TP53BP1: variants seen among roughly 807,000 people sequenced by gnomAD.
The protein encoded by TP53BP1 is TP53-binding protein 1.
Under a neutral mutation model 200.8 loss-of-function variants are expected in TP53BP1, and 61 were observed. That is an observed-to-expected ratio of 0.30 (90% CI 0.25 to 0.38). TP53BP1 has a LOEUF of 0.38. TP53BP1 is among the 10% of genes least tolerant of loss of function. TP53BP1 has a pLI of 1.00. For synonymous variants in TP53BP1, 822 were observed against 844.3 expected (o/e 0.97, Z 0.46); for missense variants, 2,144 against 2,371.9 (o/e 0.90, Z 2.00).
rs1327267963 is a variant in TP53BP1, at chr15:43,413,261, T to C, written c.5163A>G (p.Glu1721=). ...TGAGAGGCAAAGGCCCTCTCTGCTC[T>C]TCCAGGGCAGAGGGTTCACCGGTGT... is the stretch of plus-strand genomic sequence containing the variant. ...GDNTGEPSAL[E]EQRGPLPLNK... Residue 1721 remains glutamate, a synonymous_variant, in exon 24 of 28, where the codon GAA becomes GAG. Transcript: ENST00000382044. 1.2e-6 allele frequency: 2 copies of C among 1,614,194 alleles called. No individual in the cohort carries two copies. Among genetic ancestry groups the C allele is most frequent in the Non-Finnish European group, 1.7e-6 (2 of 1,180,030 alleles).
rs375638043 is a variant in TP53BP1, at chr15:43,405,324, T to A, written c.*2059A>T. On this transcript the variant is annotated 3_prime_UTR_variant, in exon 28 of 28. Coordinates refer to ENST00000382044, the MANE Select transcript of TP53BP1 (RefSeq NM_001141980.3). ...CAAATAAATATCTGCGGCTTAGTGATAGGACTCTACCTTTTCTCCTAGAAG... is the reference window on the plus strand; with the variant it reads ...CAAATAAATATCTGCGGCTTAGTGAAAGGACTCTACCTTTTCTCCTAGAAG... 41 of 1,262,940 alleles carry A rather than the reference T, an allele frequency of 3.2e-5. No homozygotes were observed. The highest frequency in any genetic ancestry group is 4.5e-5 in the Non-Finnish European group (39 of 872,198). 78.2% of individuals were successfully genotyped at this position (1,262,940 alleles called of 1,614,324 possible).
At position 43,475,568 on chromosome 15, in the gene TP53BP1, G is replaced by C. The variant is rs1226165898; in HGVS notation, c.1082C>G (p.Ser361Cys). The C allele has an allele frequency of 6.2e-7, 1 of 1,614,040 alleles. No individual in the cohort carries two copies. The highest frequency in any genetic ancestry group is 1.7e-5 in the Admixed American group (1 of 60,004). ...AAGCTATTTTAGGCTTACTTACGTG[G>C]AAAGACTGTCCTGAACAAGGGACCT... ...GQRSLVQDSL[S>C]TNSSDLVAPS... is the part of the protein sequence containing the mutation. The change falls in exon 9 of 28, where the codon TCC becomes TGC. Residue 361 changes from serine (S) to cysteine (C), a missense_variant. Physicochemically the swap from Ser to Cys is moderately radical, Grantham distance 112. This residue lies in a region of TP53BP1 where 1,700 missense variants were observed against 1,710.3 expected (regional missense o/e 0.99). Coordinates refer to ENST00000382044, the MANE Select transcript of TP53BP1 (RefSeq NM_001141980.3).
chr15:43,409,418 T>C, intron 25 of TP53BP1: 1 of 538,424 alleles, frequency 1.9e-6, no homozygotes, highest in Non-Finnish European at 3.3e-6. Context: ...CAATCTTCTT[T>C]TGTCCCAGCA....
chr15:43,408,215 A>G (rs1332361016), intron 26 of TP53BP1, 127 bp from the exon 27 acceptor site: 3 of 993,618 alleles, frequency 3.0e-6, no homozygotes, highest in Non-Finnish European at 4.4e-6. Context: ...TAGTGTCTCA[A>G]GCCTGTAATC....
intron 1 of TP53BP1, among the ~76,000 whole-genome samples, chr15:43,506,823 G>T (rs919001580): frequency 2.0e-5 from 3 of 152,172 alleles, no homozygotes; most frequent in Non-Finnish European, 1.5e-5. Flanking sequence ...TCTGGAGACA[G>T]GGAGCCTTCA....
intron 4 of TP53BP1, among the ~76,000 whole-genome samples, chr15:43,490,283 TC>T (rs1189323283): frequency 1.3e-5 from 2 of 152,008 alleles, no homozygotes; most frequent in Admixed American, 6.6e-5. Flanking sequence ...AGACCGGGTT[TC>T]ACCACGTTGT....
In TP53BP1 at chr15:43,404,353, C is replaced by T. The variant is rs1362847428; in HGVS notation, c.*3030G>A. On this transcript the variant is annotated 3_prime_UTR_variant, in exon 28 of 28. Transcript: ENST00000382044. ...AAGAAACTCCTCCCTCCGCCCCCATCCTCCATATGGAGAGTTGGTGAGCTG... is the reference window on the plus strand; with the variant it reads ...AAGAAACTCCTCCCTCCGCCCCCATTCTCCATATGGAGAGTTGGTGAGCTG... The T allele has an allele frequency of 1.3e-6, 2 of 1,595,946 alleles. No homozygotes were observed. Among genetic ancestry groups the T allele is most frequent in the Non-Finnish European group, 1.7e-6 (2 of 1,168,402 alleles).
At position 43,508,353 on chromosome 15, in the gene TP53BP1, C is replaced by A. The variant is rs2079249758; in HGVS notation, c.-9+2017G>T. 2.6e-5 allele frequency among the ~76,000 whole-genome samples: 4 copies of A among 152,184 alleles called. No homozygotes were observed. The South Asian group carries it at 8.3e-4, about 32-fold the overall frequency. ...CCAACCTGGGCAAGAGAGCAAGACT[C>A]CGTCTCAAAAAAAAAATTTCTGGGC... On this transcript the variant is annotated intron_variant, in intron 1 of 27. Coordinates refer to the TP53BP1 transcript ENST00000263801.
At chr15:43,482,387 G>A (rs2078985000) in intron 4 of TP53BP1, among the ~76,000 whole-genome samples, 1 of 152,202 alleles carries the variant, frequency 6.6e-6, no homozygotes, top group Non-Finnish European at 1.5e-5. Flanking sequence ...TGTAATCCCA[G>A]CACTTCGGGA....
At chr15:43,491,075 A>ATT (rs1010560667) in intron 4 of TP53BP1, among the ~76,000 whole-genome samples, 14 of 143,068 alleles carry the variant, frequency 9.8e-5, no homozygotes, top group East Asian at 2.0e-4. Context: ...ATACTCCTAA[A>ATT]TTTTTTTTTT....
At chr15:43,430,710 C>T (rs1444116645) in intron 17 of TP53BP1, among the ~76,000 whole-genome samples, 1 of 152,124 alleles carries the variant, frequency 6.6e-6, no homozygotes, top group Non-Finnish European at 1.5e-5. Context: ...TAATATCAAA[C>T]CCTATACACT....
chr15:43,470,910 C>G (rs2046708966), intron 10 of TP53BP1, among the ~76,000 whole-genome samples: 1 of 152,228 alleles, frequency 6.6e-6, no homozygotes, highest in Admixed American at 6.5e-5. Flanking sequence ...CCTCAATACC[C>G]AGCTTTGCTG....
At chr15:43,495,533 A>ACACACACACAC (rs56809321), upstream of TP53BP1, among the ~76,000 whole-genome samples, 10 of 143,156 alleles carry the variant, frequency 7.0e-5, no homozygotes, top group Non-Finnish European at 7.8e-5. Context: ...ACACACACAC[A>ACACACACACAC]AAAGCCAGGT....
At chr15:43,410,325 T>C (rs550785490) in intron 24 of TP53BP1, among the ~76,000 whole-genome samples, 2 of 152,208 alleles carry the variant, frequency 1.3e-5, no homozygotes, top group East Asian at 3.9e-4. Flanking sequence ...GGTTAGAAAA[T>C]CCTGTTTCAA....
chr15:43,464,895 C>T (rs901016617), intron 11 of TP53BP1, among the ~76,000 whole-genome samples: 12 of 151,308 alleles, frequency 7.9e-5, no homozygotes, highest in African/African-American at 1.2e-4. Flanking sequence ...GCAACAAGTA[C>T]GAAACTCCAT....
At chr15:43,471,138 C>T (rs1444668822) in intron 10 of TP53BP1, among the ~76,000 whole-genome samples, 1 of 151,688 alleles carries the variant, frequency 6.6e-6, no homozygotes, top group Non-Finnish European at 1.5e-5. Flanking sequence ...ACAAAAAGCA[C>T]ATATAGTTTC....
At chr15:43,450,745 G>A (rs2046146793) in intron 12 of TP53BP1, among the ~76,000 whole-genome samples, 1 of 152,086 alleles carries the variant, frequency 6.6e-6, no homozygotes, top group South Asian at 2.1e-4. Context: ...GACATTTAAA[G>A]TAATTCTCTC....
chr15:43,493,253 G>A (rs2079154957), upstream of TP53BP1: 9 of 1,438,666 alleles, frequency 6.3e-6, no homozygotes, highest in Non-Finnish European at 8.2e-6. Context: ...CTGCGGCAGA[G>A]TGCCCTGCCC....
intron 1 of TP53BP1, among the ~76,000 whole-genome samples, chr15:43,502,316 T>C (rs1315592454): frequency 6.6e-6 from 1 of 152,160 alleles, no homozygotes; most frequent in Non-Finnish European, 1.5e-5. Flanking sequence ...ACAGCAAGAC[T>C]ATGTCTCTTA....
Sources: allele counts gnomAD v4.1 joint callset (sites outside exome capture counted in the v4.1 genomes callset), GRCh38; gene constraint gnomAD v4.1.1; regional missense constraint gnomAD v4.1.1; transcripts MANE v1.5; gene names NCBI Gene and HGNC (gene_info 2026-07-23, HGNC 2026-07-21).